Variants in SENP5 observed in about 807,000 individuals in gnomAD.
SENP5 encodes the protein sentrin-specific protease 5.
Under a neutral mutation model 74.2 loss-of-function variants are expected in SENP5, and 21 were observed. That is an observed-to-expected ratio of 0.28 (90% CI 0.20 to 0.41). The LOEUF is 0.41. Among genes scored for constraint, SENP5 ranks in the 10% least tolerant of loss-of-function variants. The pLI is 1.00. For synonymous variants in SENP5, 311 were observed against 312.7 expected (o/e 0.99, Z 0.06); for missense variants, 717 against 889.1 (o/e 0.81, Z 2.46).
At chr3:196,908,874 C>G (rs1219243100) in intron 6 of SENP5, among the ~76,000 whole-genome samples, 1 of 151,958 alleles carries the variant, frequency 6.6e-6, no homozygotes, top group Non-Finnish European at 1.5e-5. Flanking sequence ...CAAGAGCAAA[C>G]AAATCCAAAA....
intron 4 of SENP5, 22 bp from the exon 5 acceptor site, chr3:196,900,343 G>T: frequency 2.1e-5 from 33 of 1,593,930 alleles, no homozygotes; most frequent in Non-Finnish European, 2.8e-5. Flanking sequence ...TAGTAAGCTG[G>T]TTTTATGTTG....
chr3:196,926,263 C>T (rs557257875), intron 7 of SENP5, among the ~76,000 whole-genome samples: 2 of 152,240 alleles, frequency 1.3e-5, no homozygotes, highest in Admixed American at 1.3e-4. Flanking sequence ...GCGGGCGGAT[C>T]AGAAGGTCAA....
intron 1 of SENP5, among the ~76,000 whole-genome samples, chr3:196,873,714 C>T (rs1197150164): frequency 6.6e-6 from 1 of 151,888 alleles, no homozygotes; most frequent in Non-Finnish European, 1.5e-5. Flanking sequence ...GTGGCGGGCG[C>T]CTGAAGTCCC....
chr3:196,885,737 A>C lies in SENP5; in HGVS notation c.556A>C (p.Thr186Pro). ...AGGTGAGAGTGGCACGATTGTGGTCACCTTGAACAACCATAAGAGAAAGGG... is the reference window on the plus strand; with the variant it reads ...AGGTGAGAGTGGCACGATTGTGGTCCCCTTGAACAACCATAAGAGAAAGGG... ...SPGESGTIVVTLNNHKRKGFC... is the reference protein window; with the variant it reads ...SPGESGTIVVPLNNHKRKGFC... The change falls in exon 2 of 10, where the codon ACC becomes CCC. Residue 186 changes from threonine to proline, a missense_variant. This residue lies in a region of SENP5 where 567 missense variants were observed against 577.4 expected (regional missense o/e 0.98). Coordinates refer to ENST00000323460, the MANE Select transcript of SENP5 (RefSeq NM_152699.5). 1 of 1,614,232 alleles carries C rather than the reference A, an allele frequency of 6.2e-7. No individual in the cohort carries two copies. The highest frequency in any genetic ancestry group is 2.2e-5 in the East Asian group (1 of 44,886).
rs529137988 is a variant in SENP5 at position 196,932,157 on chromosome 3, C to T, written c.*1234C>T. The T allele has an allele frequency of 5.1e-5, 9 of 178,144 alleles. No individual in the cohort carries two copies. Among genetic ancestry groups the T allele is most frequent in the Admixed American group, 4.5e-4 (7 of 15,582 alleles). The allele number at this position is 178,144 out of a possible 1,614,324, so 11.0% of individuals were successfully genotyped here. ...TAGCTGCATTAGGATGAATATCACG[C>T]GTCTCACATCTTTAATCCAGCCTTT... On this transcript the variant is annotated 3_prime_UTR_variant, in exon 10 of 10. Transcript: ENST00000323460.
Position 196,885,866 on chromosome 3 carries a change from C to A in SENP5, c.685C>A (p.Pro229Thr), listed in dbSNP as rs1164787128. 4 of 1,613,854 alleles carry A rather than the reference C, an allele frequency of 2.5e-6. No homozygotes were observed. The highest frequency in any genetic ancestry group is 2.7e-5 in the African/African-American group (2 of 74,896). Reference protein sequence around the residue: ...LNQHRRIKLSPLMMYEKLSMI... With the variant: ...LNQHRRIKLSTLMMYEKLSMI... The stretch of plus-strand genomic sequence containing the variant: ...CCAACATAGAAGGATAAAATTATCT[C>A]CTCTTATGATGTATGAGAAATTATC... Residue 229 changes from proline to threonine, a missense_variant, in exon 2 of 10, where the codon CCT becomes ACT. Physicochemically the swap from Pro to Thr is conservative, Grantham distance 38 (BLOSUM62 -1). Transcript: ENST00000323460.
chr3:196,907,104 C>CTT (rs1714931635), intron 6 of SENP5, among the ~76,000 whole-genome samples: 1 of 152,038 alleles, frequency 6.6e-6, no homozygotes, highest in Non-Finnish European at 1.5e-5. Flanking sequence ...TGTAGGACAA[C>CTT]TAGTAGAGGA....
At chr3:196,868,895 A>ATTTGTTTTT (rs1713073335) in intron 1 of SENP5, among the ~76,000 whole-genome samples, 1 of 19,692 alleles carries the variant, frequency 5.1e-5, no homozygotes, top group Non-Finnish European at 8.8e-5. Flanking sequence ...TTTTTTTTGC[A>ATTTGTTTTT]TTTTGCCCGG....
intron 6 of SENP5, among the ~76,000 whole-genome samples, chr3:196,916,764 A>T (rs1715395343): frequency 6.6e-6 from 1 of 151,498 alleles, no homozygotes; most frequent in African/African-American, 2.4e-5. Flanking sequence ...TGACCTTGTG[A>T]TCTGCCTGCC....
Position 196,923,496 on chromosome 3 carries a change from A to G in SENP5, c.1967A>G (p.Asn656Ser), listed in dbSNP as rs1715702974. The G allele has an allele frequency of 6.2e-7, 1 of 1,611,412 alleles. No individual in the cohort carries two copies. The highest frequency in any genetic ancestry group is 1.3e-5 in the African/African-American group (1 of 74,864). Residue 656 changes from asparagine to serine, a missense_variant, in exon 7 of 10, where the codon AAT (asparagine) becomes AGT (serine). Physicochemically the swap from Asn to Ser is conservative, Grantham distance 46. Coordinates refer to ENST00000323460, the MANE Select transcript of SENP5 (RefSeq NM_152699.5). ...HWSLITVTLSNRIISFYDSQG... is the reference protein window; with the variant it reads ...HWSLITVTLSSRIISFYDSQG... ...TCTCTCATTACTGTGACACTCTCTA[A>G]TCGAATTATTTCATTTTATGATTCC...
At chr3:196,898,821 TG>T (rs1428987716) in intron 2 of SENP5, among the ~76,000 whole-genome samples, 1 of 152,244 alleles carries the variant, frequency 6.6e-6, no homozygotes, top group Non-Finnish European at 1.5e-5. Context: ...GACCATTCGA[TG>T]ATTGCATTCA....
intron 1 of SENP5, among the ~76,000 whole-genome samples, chr3:196,870,381 A>G (rs960931826): frequency 6.6e-6 from 1 of 152,174 alleles, no homozygotes; most frequent in Non-Finnish European, 1.5e-5. Flanking sequence ...TTCTCCAATT[A>G]TTCTTTGGTA....
intron 2 of SENP5, among the ~76,000 whole-genome samples, chr3:196,895,125 G>A (rs913422335): frequency 1.3e-5 from 2 of 152,000 alleles, no homozygotes; most frequent in African/African-American, 4.8e-5. Context: ...ATGTGACCCA[G>A]GTCAGTTGCA....
At chr3:196,894,502 C>A (rs1399263150) in intron 2 of SENP5, among the ~76,000 whole-genome samples, 1 of 151,088 alleles carries the variant, frequency 6.6e-6, no homozygotes, top group Admixed American at 6.6e-5. Context: ...AAAATGAATT[C>A]CAGCTGTTAA....
intron 1 of SENP5, among the ~76,000 whole-genome samples, chr3:196,882,142 G>C (rs866694060): frequency 1.3e-5 from 2 of 151,764 alleles, no homozygotes; most frequent in East Asian, 1.9e-4. Context: ...CAAGTGATCC[G>C]CCTGTCTTGG....
intron 1 of SENP5, among the ~76,000 whole-genome samples, chr3:196,875,216 C>T (rs1223006801): frequency 6.6e-6 from 1 of 152,190 alleles, no homozygotes; most frequent in Non-Finnish European, 1.5e-5. Flanking sequence ...TTACCCCCAA[C>T]AGATAGGCTT....
At chr3:196,924,971 A>C (rs1411259725) in intron 7 of SENP5, among the ~76,000 whole-genome samples, 4 of 152,236 alleles carry the variant, frequency 2.6e-5, no homozygotes, top group African/African-American at 9.6e-5. Context: ...CAAGGCATAG[A>C]GCTTTAAAAA....
intron 6 of SENP5, chr3:196,914,411 T>C (rs145440268): frequency 2.0e-5 from 3 of 150,996 alleles, no homozygotes; most frequent in African/African-American, 7.3e-5. Flanking sequence ...CTAAAGTAGG[T>C]AGGGGTAAAA....
chr3:196,884,599 A>T (rs1433484020), intron 1 of SENP5, among the ~76,000 whole-genome samples: 2 of 151,954 alleles, frequency 1.3e-5, no homozygotes, highest in African/African-American at 4.8e-5. Flanking sequence ...GGGGAAAAAA[A>T]TGGAGGACTG....
Sources: gnomAD v4.1 joint callset for allele counts (sites outside exome capture counted in the v4.1 genomes callset) on GRCh38, gnomAD v4.1.1 for gene constraint, gnomAD v4.1.1 regional missense constraint, MANE v1.5 for transcripts, NCBI Gene and HGNC (gene_info 2026-07-23, HGNC 2026-07-21) for gene names.